The following IARS2 variants were observed in gnomAD, a reference collection of about 807,000 sequenced individuals.
IARS2 encodes the protein isoleucyl-tRNA synthetase 2, mitochondrial, also known as isoleucine--tRNA ligase, mitochondrial.
A neutral mutation model predicts 126.3 loss-of-function variants in IARS2; 56 were observed. That is an observed-to-expected ratio of 0.44 (90% confidence interval 0.36 to 0.55). IARS2 has a LOEUF of 0.55. Ranked by LOEUF, IARS2 falls within the 20% of genes least tolerant of loss-of-function variation. The pLI is 0.00. For synonymous variants in IARS2, 407 were observed against 441.1 expected (o/e 0.92, Z 0.97); for missense variants, 1,127 against 1,245.9 (o/e 0.90, Z 1.44).
In IARS2 at chr1:220,126,478, A is replaced by T. The variant is rs1657159271; in HGVS notation, c.1744-272A>T. ...GTAGAGTTAGCTGATTGTATCACACATTAAAATATCCAAATTTAAAGTTAA... is the reference window on the plus strand; with the variant it reads ...GTAGAGTTAGCTGATTGTATCACACTTTAAAATATCCAAATTTAAAGTTAA... On this transcript the variant is annotated intron_variant, in intron 13 of 22. Coordinates refer to ENST00000366922, the MANE Select transcript of IARS2 (RefSeq NM_018060.4). Among the ~76,000 whole-genome samples the T allele has an allele frequency of 3.3e-5, 5 of 152,344 alleles. No homozygotes were observed. The South Asian group carries it at 1.0e-3, about 32-fold the overall frequency.
intron 8 of IARS2, among the ~76,000 whole-genome samples, chr1:220,105,264 G>A (rs1044953050): frequency 7.9e-5 from 12 of 152,108 alleles, no homozygotes; most frequent in African/African-American, 2.9e-4. Context: ...AAATGCAGAG[G>A]ATATTAAAGA....
intron 12 of IARS2, among the ~76,000 whole-genome samples, chr1:220,119,593 C>T (rs1217676814): frequency 6.6e-6 from 1 of 151,870 alleles, no homozygotes; most frequent in Non-Finnish European, 1.5e-5. Flanking sequence ...TTTAAGAAAT[C>T]TTTTAAGTAT....
At chr1:220,129,316 G>T (rs1235746827) in intron 14 of IARS2, among the ~76,000 whole-genome samples, 3 of 152,136 alleles carry the variant, frequency 2.0e-5, no homozygotes, top group Non-Finnish European at 4.4e-5. Context: ...TCAAATGAGG[G>T]TATTTAAGAT....
intron 2 of IARS2, 126 bp downstream of exon 2, chr1:220,096,352 A>G (rs917431210): frequency 1.0e-5 from 7 of 676,996 alleles, no homozygotes; most frequent in African/African-American, 5.4e-5. Flanking sequence ...AAACATTTTC[A>G]TAGAAAGCAA....
intron 18 of IARS2, 88 bp from the exon 19 acceptor site, chr1:220,140,095 T>G: frequency 1.4e-6 from 1 of 740,326 alleles, no homozygotes; most frequent in East Asian, 2.5e-5. Flanking sequence ...TGAAACATAT[T>G]TTTGAAAGGA....
chr1:220,129,112 G>A (rs1657210611), intron 14 of IARS2, among the ~76,000 whole-genome samples: 1 of 151,984 alleles, frequency 6.6e-6, no homozygotes, highest in Non-Finnish European at 1.5e-5. Flanking sequence ...CAAACTCCTG[G>A]CCTCAAGTGA....
At chr1:220,103,376 T>A in intron 7 of IARS2, 71 bp from the exon 8 acceptor site, 1 of 965,370 alleles carries the variant, frequency 1.0e-6, no homozygotes, top group Non-Finnish European at 1.6e-6. Flanking sequence ...AATGATTATT[T>A]AAAAATTAAA....
intron 10 of IARS2, among the ~76,000 whole-genome samples, chr1:220,109,182 C>T (rs149750207): frequency 1.7e-3 from 258 of 152,088 alleles, no homozygotes; most frequent in Middle Eastern, 0.014. Context: ...GGACATATCA[C>T]GAGGTCAGGA....
chr1:220,113,636 T>G (rs79080013), intron 11 of IARS2, among the ~76,000 whole-genome samples: 4,745 of 152,046 alleles, frequency 0.031, 118 homozygotes, highest in African/African-American at 0.074. Flanking sequence ...GATATATATA[T>G]ATAGAGAGAG....
Position 220,096,082 on chromosome 1 carries a change from AT to A in IARS2, c.268-21del, listed in dbSNP as rs1558117560. On this transcript the variant is annotated intron_variant, in intron 1 of 22. Transcript: ENST00000366922. Reference sequence around the variant, plus strand: ...GTATGTATTTATATGATGTTTAGATATCTTTTTTTTTTTTAAAACAGAAATG... The same window carrying A: ...GTATGTATTTATATGATGTTTAGATACTTTTTTTTTTTTAAAACAGAAATG... 3 of 1,263,440 alleles carry A rather than the reference AT, an allele frequency of 2.4e-6. No homozygotes were observed. In the South Asian group the frequency reaches 3.9e-5, roughly 16 times the overall value. 78.3% of individuals were successfully genotyped at this position (1,263,440 alleles called of 1,614,324 possible). A position where few individuals can be genotyped will look rare whatever the true frequency, so the allele number is the denominator to read the frequency against.
chr1:220,147,555 T>C lies in IARS2; in HGVS notation c.2959T>C (p.Cys987Arg). 6.2e-7 allele frequency: 1 copy of C among 1,614,114 alleles called. No homozygotes were observed. The highest frequency in any genetic ancestry group is 8.5e-7 in the Non-Finnish European group (1 of 1,180,002). The change falls in exon 23 of 23, where the codon TGC becomes CGC. Residue 987 changes from cysteine to arginine, a missense_variant. By Grantham distance (180) the Cys-to-Arg change is radical. Transcript: ENST00000366922. ...VIVMPTTKEKCPRCWKYTAES... is the reference protein window; with the variant it reads ...VIVMPTTKEKRPRCWKYTAES... ...TGTCATGCCGACTACGAAAGAAAAATGCCCCCGTTGTTGGAAGTATACAGC... is the reference window on the plus strand; with the variant it reads ...TGTCATGCCGACTACGAAAGAAAAACGCCCCCGTTGTTGGAAGTATACAGC...
At position 220,102,528 on chromosome 1, in the gene IARS2, T is replaced by A; in HGVS notation, c.783T>A (p.Asn261Lys). The A allele has an allele frequency of 6.2e-7, 1 of 1,614,034 alleles. No individual in the cohort carries two copies. The highest frequency in any genetic ancestry group is 1.1e-5 in the South Asian group (1 of 91,078). ...TGGCTGAAGCAGAACTTGAATATAA[T>A]CCTGAGCATGTCAGTCGTTCAATAT... is the stretch of plus-strand genomic sequence containing the variant. ...TALAEAELEY[N>K]PEHVSRSIYV... is the part of the protein sequence containing the mutation. Residue 261 changes from asparagine to lysine, a missense_variant, in exon 6 of 23, where the codon AAT becomes AAA. Transcript: ENST00000366922.
In IARS2 at chr1:220,136,714, T is replaced by G. The variant is rs1657384662; in HGVS notation, c.1947-95T>G. The G allele has an allele frequency of 1.3e-5, 7 of 529,610 alleles. No individual in the cohort carries two copies. The South Asian group carries it at 2.5e-4, about 19-fold the overall frequency. 32.8% of individuals were successfully genotyped at this position (529,610 alleles called of 1,614,324 possible). Reference sequence around the variant, plus strand: ...TCAGTCAAGAAAAATCATATTTTTGTGTCAAACTTAGATACTCTTTTTAAG... The same window carrying G: ...TCAGTCAAGAAAAATCATATTTTTGGGTCAAACTTAGATACTCTTTTTAAG... On this transcript the variant is annotated intron_variant, in intron 15 of 22. Transcript: ENST00000366922.
rs779672275 is a variant in IARS2 at position 220,126,765 on chromosome 1, G to A, written c.1759G>A (p.Ala587Thr). 35 of 1,613,082 alleles carry A rather than the reference G, an allele frequency of 2.2e-5. No individual in the cohort carries two copies. The highest frequency in any genetic ancestry group is 3.3e-4 in the Middle Eastern group (2 of 6,082). ...EVLSEVGGPD[A>T]LEYVPGQDIL... ...ATCTTACTAGGTTGGTGGCCCTGAT[G>A]CCTTGGAATATGTGCCAGGTCAGGA... The change falls in exon 14 of 23, where the codon GCC (alanine) becomes ACC (threonine). Residue 587 changes from alanine to threonine, a missense_variant. By Grantham distance (58) the Ala-to-Thr change is moderately conservative. Transcript: ENST00000366922.
chr1:220,121,294 A>T (rs1042247668), intron 12 of IARS2, among the ~76,000 whole-genome samples: 1 of 152,194 alleles, frequency 6.6e-6, no homozygotes, highest in African/African-American at 2.4e-5. Flanking sequence ...CAGTTTTTTT[A>T]AAAAGTTTTT....
At chr1:220,147,068 T>A (rs1657611821) in intron 22 of IARS2, among the ~76,000 whole-genome samples, 1 of 152,228 alleles carries the variant, frequency 6.6e-6, no homozygotes. Context: ...TGTGGAGATA[T>A]TTTTGGTTCC....
intron 13 of IARS2, among the ~76,000 whole-genome samples, chr1:220,126,396 T>C (rs1657158035): frequency 3.3e-5 from 5 of 152,244 alleles, no homozygotes; most frequent in Admixed American, 3.3e-4. Flanking sequence ...TAAGCTCATG[T>C]AATTTACTGT....
chr1:220,099,758 A>G (rs1487003687), intron 2 of IARS2, among the ~76,000 whole-genome samples: 3 of 152,220 alleles, frequency 2.0e-5, no homozygotes, highest in Non-Finnish European at 4.4e-5. Context: ...TAATATACCC[A>G]GAGTAAAGTG....
At chr1:220,138,071 A>G (rs929387443) in intron 17 of IARS2, 28 bp downstream of exon 17, 1 of 1,607,372 alleles carries the variant, frequency 6.2e-7, no homozygotes, top group African/African-American at 1.3e-5. Flanking sequence ...TCCTATTTCT[A>G]AAGGACAAGT....
Sources: allele counts gnomAD v4.1 joint callset (sites outside exome capture counted in the v4.1 genomes callset), GRCh38; gene constraint gnomAD v4.1.1; transcripts MANE v1.5; gene names NCBI Gene and HGNC (gene_info 2026-07-23, HGNC 2026-07-21).